The following SV2A variants were observed in gnomAD, a reference collection of about 807,000 sequenced individuals.
The protein encoded by SV2A is solute carrier family 22 member B1.
A neutral mutation model predicts 78.0 loss-of-function variants in SV2A; 25 were observed. That is an observed-to-expected ratio of 0.32 (90% CI 0.23 to 0.45). SV2A has a LOEUF of 0.45. Ranked by LOEUF, SV2A falls within the 20% of genes least tolerant of loss-of-function variation. The pLI, the probability that SV2A is intolerant of heterozygous loss-of-function variation, is 1.00. For missense variants in SV2A, 752 were observed against 971.5 expected (o/e 0.77, Z 3.00); for synonymous variants, 355 against 384.7 (o/e 0.92, Z 0.90).
Position 149,909,273 on chromosome 1 carries a change from C to T in SV2A, c.1298G>A (p.Gly433Glu), listed in dbSNP as rs1215263957. ...RALSLGGQVW[G>E]NFLSCFGPEY... ...GGGACCAAAACAGGAGAGAAAATTC[C>T]CCCAAACCTACAGGGGACCAGACAA... Residue 433 changes from glycine (G) to glutamate (E), a missense_variant, in exon 8 of 13, where the codon GGG becomes GAG. Physicochemically the swap from Gly to Glu is moderately conservative, Grantham distance 98 (BLOSUM62 -2). Coordinates refer to ENST00000369146, the MANE Select transcript of SV2A (RefSeq NM_014849.5). 4 of 1,613,922 alleles carry T rather than the reference C, an allele frequency of 2.5e-6. No homozygotes were observed. In the African/African-American group the frequency reaches 5.3e-5, roughly 22 times the overall value.
intron 8 of SV2A, among the ~76,000 whole-genome samples, chr1:149,908,424 C>T (rs1216604146): frequency 1.3e-5 from 2 of 152,186 alleles, no homozygotes; most frequent in African/African-American, 4.8e-5. Flanking sequence ...CAGGGTCTCG[C>T]ACAGCAGCCA....
rs1571493960 is a variant in SV2A at position 149,905,194 on chromosome 1, G to A, written c.2049C>T (p.Thr683=). 1.9e-6 allele frequency: 3 copies of A among 1,606,408 alleles called. No homozygotes were observed. The highest frequency in any genetic ancestry group is 2.7e-5 in the African/African-American group (2 of 75,010). Residue 683 remains threonine, a synonymous_variant, in exon 13 of 13, where the codon ACC becomes ACT. Coordinates refer to ENST00000369146, the MANE Select transcript of SV2A (RefSeq NM_014849.5). The part of the protein sequence containing the change: ...TVELYPSDKR[T]TAFGFLNALC... ...GGGCATTCAGGAAGCCAAAAGCTGTGGTCCTGCTCAGGAGTCCCCCAGTGC... is the reference window on the plus strand; with the variant it reads ...GGGCATTCAGGAAGCCAAAAGCTGTAGTCCTGCTCAGGAGTCCCCCAGTGC...
chr1:149,912,491 G>A (rs587665124), intron 2 of SV2A, among the ~76,000 whole-genome samples: 3 of 152,230 alleles, frequency 2.0e-5, no homozygotes, highest in African/African-American at 7.2e-5. Flanking sequence ...AAACTCTCCT[G>A]TTTTTCACTG....
chr1:149,916,783 C>T (rs1480243861), intron 1 of SV2A, among the ~76,000 whole-genome samples: 2 of 152,176 alleles, frequency 1.3e-5, no homozygotes, highest in African/African-American at 4.8e-5. Context: ...CCCATGACAG[C>T]CCGGTCATCG....
Position 149,913,422 on chromosome 1 carries a change from T to G in SV2A, c.419A>C (p.Gln140Pro), listed in dbSNP as rs1553764065. The change falls in exon 2 of 13, where the codon CAA (glutamine) becomes CCA (proline). Residue 140 changes from glutamine to proline, a missense_variant. Around this residue, in one of 7 missense-constraint regions of SV2A, gnomAD observed 291 missense variants for 359.5 expected, o/e 0.81. Coordinates refer to ENST00000369146, the MANE Select transcript of SV2A (RefSeq NM_014849.5). ...EGPPGGRGEA[Q>P]RRKEREELAQ... The stretch of plus-strand genomic sequence containing the variant: ...CAGTTCTTCTCGTTCTTTCCGTCGT[T>G]GTGCCTCCCCCCGGCCCCCAGGGGG... 6.2e-7 allele frequency: 1 copy of G among 1,614,066 alleles called. No individual in the cohort carries two copies. The highest frequency in any genetic ancestry group is 1.7e-5 in the Admixed American group (1 of 60,020).
intron 3 of SV2A, 149 bp from the exon 4 acceptor site, chr1:149,911,126 C>T (rs2092472783): frequency 1.9e-6 from 2 of 1,038,564 alleles, no homozygotes; most frequent in Non-Finnish European, 2.7e-6. Flanking sequence ...CCCATGTGGG[C>T]CAGCCATCAA....
chr1:149,911,621 T>G (rs2092475889), intron 3 of SV2A, among the ~76,000 whole-genome samples, 179 bp downstream of exon 3: 1 of 152,036 alleles, frequency 6.6e-6, no homozygotes, highest in Admixed American at 6.6e-5. Context: ...AGCAGACAGG[T>G]CCTGGGCAGG....
rs1553763362 is a variant in SV2A at position 149,909,494 on chromosome 1, G to A, written c.1257C>T (p.Arg419=). ...CTAGGCTCAAGGCCCGGACCCCCCA[G>A]CGCTGGTACCAGGTCCCTGTGTCCG... is the stretch of plus-strand genomic sequence containing the variant. ...IQSDTGTWYQ[R]WGVRALSLGG... The change falls in exon 7 of 13, where the codon CGC becomes CGT. Residue 419 remains arginine, a synonymous_variant. Transcript: ENST00000369146. 1 of 1,613,598 alleles carries A rather than the reference G, an allele frequency of 6.2e-7. No homozygotes were observed. Among genetic ancestry groups the A allele is most frequent in the Middle Eastern group, 1.6e-4 (1 of 6,062 alleles).
At chr1:149,916,836 T>A (rs1328760972) in intron 1 of SV2A, among the ~76,000 whole-genome samples, 2 of 151,596 alleles carry the variant, frequency 1.3e-5, no homozygotes, top group African/African-American at 4.9e-5. Context: ...GCGCCTCCCC[T>A]CCCCACATCC....
chr1:149,916,469 A>G (rs997859953), intron 1 of SV2A, among the ~76,000 whole-genome samples: 1 of 152,220 alleles, frequency 6.6e-6, no homozygotes, highest in East Asian at 1.9e-4. Context: ...AAAGGAGACA[A>G]GGTTCAGGGT....
rs782620698 is a variant in SV2A at position 149,909,449 on chromosome 1, G to A, written c.1290+12C>T. ...CCCACTCCCTTCTATCTACCACCCCGTCCACCATTACCTGCCCCCCTAGGC... is the reference window on the plus strand; with the variant it reads ...CCCACTCCCTTCTATCTACCACCCCATCCACCATTACCTGCCCCCCTAGGC... On this transcript the variant is annotated intron_variant, in intron 7 of 12. Transcript: ENST00000369146. 4.0e-5 allele frequency: 64 copies of A among 1,605,440 alleles called. No individual in the cohort carries two copies. The highest frequency in any genetic ancestry group is 3.7e-4 in the Admixed American group (22 of 59,836).
chr1:149,907,044 G>A (rs2092443110), intron 10 of SV2A, 188 bp from the exon 11 acceptor site: 1 of 938,334 alleles, frequency 1.1e-6, no homozygotes, highest in Non-Finnish European at 1.3e-6. Flanking sequence ...AGCAGAAAAT[G>A]ACCATCATCT....
chr1:149,911,753 C>A (rs1553763798), intron 3 of SV2A, 47 bp downstream of exon 3: 1 of 1,581,562 alleles, frequency 6.3e-7, no homozygotes, highest in African/African-American at 1.3e-5. Context: ...ACAACAGTGA[C>A]CAAGGCACAG....
At position 149,913,987 on chromosome 1, in the gene SV2A, A is replaced by G. The variant is rs1553764233; in HGVS notation, c.-147T>C. The G allele has an allele frequency of 2.4e-6, 3 of 1,263,242 alleles. No homozygotes were observed. The East Asian group carries it at 7.3e-5, about 31-fold the overall frequency. The allele number at this position is 1,263,242 out of a possible 1,614,324, so 78.3% of individuals were successfully genotyped here. A position where few individuals can be genotyped will look rare whatever the true frequency, so the allele number is the denominator to read the frequency against. ...CAGTATCTCTGGGCACAAAAAAAAG[A>G]GCAAACAGGTCCTAGCCAATGAGTG... On this transcript the variant is annotated 5_prime_UTR_variant, in exon 2 of 13. Transcript: ENST00000369146.
At chr1:149,907,631 A>G in intron 10 of SV2A, 69 bp downstream of exon 10, 1 of 1,555,578 alleles carries the variant, frequency 6.4e-7, no homozygotes, top group Non-Finnish European at 8.7e-7. Context: ...ATAGTGAATG[A>G]AAAAGGTTCC....
At chr1:149,907,541 C>G (rs1023564942) in intron 10 of SV2A, among the ~76,000 whole-genome samples, 159 bp downstream of exon 10, 1 of 152,118 alleles carries the variant, frequency 6.6e-6, no homozygotes, top group African/African-American at 2.4e-5. Flanking sequence ...ATTAGATTTT[C>G]AGAATTATTG....
At position 149,910,925 on chromosome 1, in the gene SV2A, G is replaced by A; in HGVS notation, c.856C>T (p.Gln286Ter). The A allele has an allele frequency of 6.2e-7, 1 of 1,614,172 alleles. No individual in the cohort carries two copies. Among genetic ancestry groups the A allele is most frequent in the South Asian group, 1.1e-5 (1 of 91,086 alleles). The change falls in exon 4 of 13, where the codon CAG becomes TAG. Residue 286 changes from glutamine to a stop codon, truncating the protein, a stop_gained. Transcript: ENST00000369146. LOFTEE classifies it high-confidence loss of function. The surrounding 1 kb of genome is among the most constrained non-coding windows in gnomAD (Gnocchi z 4.2). ...VFSYFSEFLA[Q>*]EKRGEHLSWL... is the part of the protein sequence containing the mutation. Reference sequence around the variant, plus strand: ...CTCAAATGCTCCCCTCGTTTCTCCTGGGCCAGAAACTCGGAGAAATAGGAG... The same window carrying A: ...CTCAAATGCTCCCCTCGTTTCTCCTAGGCCAGAAACTCGGAGAAATAGGAG...
chr1:149,906,756 A>T lies in SV2A; in HGVS notation c.1779T>A (p.Gly593=). Residue 593 remains glycine (G), a synonymous_variant, in exon 11 of 13, where the codon GGT becomes GGA. Coordinates refer to ENST00000369146, the MANE Select transcript of SV2A (RefSeq NM_014849.5). ...AGCTCACAAAGTATACCATGTAGGC[A>T]CCTTCGCCCGTCCCTGTCACGTCTA... ...CPLDVTGTGE[G]AYMVYFVSFL... is the part of the protein sequence containing the mutation. The T allele has an allele frequency of 1.2e-6, 2 of 1,614,140 alleles. No homozygotes were observed. Among genetic ancestry groups the T allele is most frequent in the East Asian group, 4.5e-5 (2 of 44,886 alleles).
At chr1:149,909,068 A>G (rs1401489188) in intron 8 of SV2A, 124 bp downstream of exon 8, 2 of 865,218 alleles carry the variant, frequency 2.3e-6, no homozygotes, top group African/African-American at 3.3e-5. Flanking sequence ...CTGCAGGATC[A>G]GAGGGGGTCT....
Sources: allele counts gnomAD v4.1 joint callset (sites outside exome capture counted in the v4.1 genomes callset), GRCh38; gene constraint gnomAD v4.1.1; regional missense constraint gnomAD v4.1.1; non-coding constraint Gnocchi (gnomAD v3.1); transcripts MANE v1.5; gene names NCBI Gene and HGNC (gene_info 2026-07-23, HGNC 2026-07-21).